Variants in SHBG observed in about 807,000 individuals in gnomAD.
SHBG encodes sex hormone binding globulin.
Under a neutral mutation model 41.9 loss-of-function variants are expected in SHBG, and 37 were observed. That is an observed-to-expected ratio of 0.88 (90% confidence interval 0.68 to 1.16). The LOEUF (loss-of-function observed/expected upper bound fraction) is 1.16, where lower values mean the gene tolerates loss of function less well. Among genes scored for constraint, SHBG ranks in the 50% most tolerant of loss-of-function variants. The pLI, the probability that SHBG is intolerant of heterozygous loss-of-function variation, is 0.00. For synonymous variants in SHBG, 217 were observed against 205.8 expected, an observed-to-expected ratio of 1.05 and a Z score of -0.47; for missense variants, 466 against 499.9, an observed-to-expected ratio of 0.93 and a Z score of 0.65.
chr17:7,630,105 G>A (rs1799941), upstream of SHBG: 303,192 of 1,358,172 alleles, frequency 0.22, 38,017 homozygotes, highest in Non-Finnish European at 0.26. This position sits in a 1 kb window ranked among gnomAD's most constrained non-coding sequence, Gnocchi z 4.6. Context: ...CCGCCCACAC[G>A]CAAGGCTGCC....
Position 7,630,931 on chromosome 17 carries a change from A to C in SHBG, c.393+62A>C. On this transcript the variant is annotated intron_variant, in intron 3 of 7. Coordinates refer to ENST00000380450, the MANE Select transcript of SHBG (RefSeq NM_001040.5). This position sits in a 1 kb window ranked among gnomAD's most constrained non-coding sequence, Gnocchi z 4.6. ...GAGCTGGTCTGAGGAAAGGGAACAA[A>C]ACCAAGTTATTGGGCATCCCTCTAC... is the stretch of plus-strand genomic sequence containing the variant. 6.7e-7 allele frequency: 1 copy of C among 1,494,150 alleles called. No individual in the cohort carries two copies. The highest frequency in any genetic ancestry group is 1.1e-5 in the South Asian group (1 of 88,280). The allele number at this position is 1,494,150 out of a possible 1,614,324, so 92.6% of individuals were successfully genotyped here. A position where few individuals can be genotyped will look rare whatever the true frequency, so the allele number is the denominator to read the frequency against.
chr17:7,621,119 A>AGCTGCAT (rs1385520964), intron 1 of SHBG, among the ~76,000 whole-genome samples: 4 of 121,414 alleles, frequency 3.3e-5, no homozygotes, highest in Non-Finnish European at 7.4e-5. Context: ...AAAAAAAAAA[A>AGCTGCAT]AAAATCAAGA....
chr17:7,626,000 G>A (rs1221384053), upstream of SHBG, among the ~76,000 whole-genome samples: 1 of 151,020 alleles, frequency 6.6e-6, no homozygotes, highest in African/African-American at 2.4e-5. Flanking sequence ...TCAGGAGTTG[G>A]AGACCAGCCT....
chr17:7,615,152 G>A (rs2071946382), intron 1 of SHBG, among the ~76,000 whole-genome samples: 1 of 152,138 alleles, frequency 6.6e-6, no homozygotes, highest in African/African-American at 2.4e-5. Context: ...CAACCAATCA[G>A]GGGGAGGGAG....
chr17:7,627,927 G>T (rs1306324807), upstream of SHBG: 1 of 551,472 alleles, frequency 1.8e-6, no homozygotes. The surrounding 1 kb of genome is among the most constrained non-coding windows in gnomAD (Gnocchi z 4.8). Flanking sequence ...GAACAGGCAC[G>T]GCCGCGTCCC....
At chr17:7,627,177 T>C (rs761464485), upstream of SHBG, 1 of 1,614,128 alleles carries the variant, frequency 6.2e-7, no homozygotes, top group Admixed American at 1.7e-5. The surrounding 1 kb of genome is among the most constrained non-coding windows in gnomAD (Gnocchi z 4.8). Flanking sequence ...GAATCTCTGC[T>C]ACCAAACAGT....
At chr17:7,633,061 A>G (rs1796556151) in intron 7 of SHBG, 102 bp downstream of exon 7, 4 of 1,413,710 alleles carry the variant, frequency 2.8e-6, no homozygotes, top group East Asian at 2.3e-5. Context: ...GGGAAGAAGA[A>G]TAGGCCACAA....
upstream of SHBG, chr17:7,628,172 C>T (rs1225293348): frequency 6.6e-6 from 3 of 457,140 alleles, no homozygotes; most frequent in East Asian, 2.1e-4. Flanking sequence ...AGACCCTCAG[C>T]TCTGAAAGCT....
Position 7,630,758 on chromosome 17 carries a change from CT to C in SHBG, c.283del (p.Trp95GlyfsTer59), listed in dbSNP as rs774559599. On this transcript the variant is annotated frameshift_variant, in exon 3 of 8. Transcript: ENST00000380450. LOFTEE classifies it high-confidence loss of function. The surrounding 1 kb of genome is among the most constrained non-coding windows in gnomAD (Gnocchi z 4.6). ...FYGDTNPKDD[W>X]FMLGLRDGRP... ...ATGGGGATACCAACCCTAAGGATGA[CT>C]GGTTTATGCTGGGACTTCGAGACGG... 2 of 1,613,990 alleles carry C rather than the reference CT, an allele frequency of 1.2e-6. No homozygotes were observed. Among genetic ancestry groups the C allele is most frequent in the Non-Finnish European group, 1.7e-6 (2 of 1,179,956 alleles).
intron 1 of SHBG, among the ~76,000 whole-genome samples, chr17:7,622,465 G>A (rs2072115621): frequency 6.6e-6 from 1 of 151,558 alleles, no homozygotes; most frequent in African/African-American, 2.4e-5. Context: ...TAGAGACAGG[G>A]TTTCACCATG....
chr17:7,624,374 G>A (rs185292703), upstream of SHBG, among the ~76,000 whole-genome samples: 3 of 150,246 alleles, frequency 2.0e-5, no homozygotes, highest in Admixed American at 2.0e-4. Flanking sequence ...CAACCTCCCA[G>A]GTAGCTGGAA....
chr17:7,630,956 C>A lies in SHBG; in HGVS notation c.393+87C>A. On this transcript the variant is annotated intron_variant, in intron 3 of 7. Transcript: ENST00000380450. The surrounding 1 kb of genome is among the most constrained non-coding windows in gnomAD (Gnocchi z 4.6). The stretch of plus-strand genomic sequence containing the variant: ...AACCAAGTTATTGGGCATCCCTCTA[C>A]CACTGTCATCTCGTTTAATCCACAC... 8.3e-7 allele frequency: 1 copy of A among 1,201,498 alleles called. No homozygotes were observed. Among genetic ancestry groups the A allele is most frequent in the Non-Finnish European group, 1.2e-6 (1 of 825,120 alleles). The allele number at this position is 1,201,498 out of a possible 1,614,324, so 74.4% of individuals were successfully genotyped here.
intron 1 of SHBG, among the ~76,000 whole-genome samples, chr17:7,619,016 G>C (rs1012756562): frequency 6.6e-6 from 1 of 151,980 alleles, no homozygotes; most frequent in African/African-American, 2.4e-5. Flanking sequence ...TTAATTCCAG[G>C]GAAAACAAAA....
At chr17:7,619,779 A>G (rs2072058163) in intron 1 of SHBG, among the ~76,000 whole-genome samples, 1 of 151,942 alleles carries the variant, frequency 6.6e-6, no homozygotes, top group African/African-American at 2.4e-5. Context: ...TGATAAGCAG[A>G]TTGGAAAAAT....
intron 3 of SHBG, 132 bp downstream of exon 3, chr17:7,631,001 A>C (rs974232610): frequency 1.0e-6 from 1 of 977,962 alleles, no homozygotes; most frequent in Non-Finnish European, 1.5e-6. Context: ...CAAAGTAGCT[A>C]TTCTTGGCCC....
At position 7,630,941 on chromosome 17, in the gene SHBG, T is replaced by C; in HGVS notation, c.393+72T>C. 7.1e-7 allele frequency: 1 copy of C among 1,411,086 alleles called. No individual in the cohort carries two copies. Among genetic ancestry groups the C allele is most frequent in the Non-Finnish European group, 9.9e-7 (1 of 1,005,676 alleles). 87.4% of individuals were successfully genotyped at this position (1,411,086 alleles called of 1,614,324 possible). A position where few individuals can be genotyped will look rare whatever the true frequency, so the allele number is the denominator to read the frequency against. ...GAGGAAAGGGAACAAAACCAAGTTA[T>C]TGGGCATCCCTCTACCACTGTCATC... On this transcript the variant is annotated intron_variant, in intron 3 of 7. Transcript: ENST00000380450. The surrounding 1 kb of genome is among the most constrained non-coding windows in gnomAD (Gnocchi z 4.6).
upstream of SHBG, chr17:7,627,595 C>T: frequency 2.5e-6 from 4 of 1,612,362 alleles, no homozygotes; most frequent in Non-Finnish European, 3.4e-6. The surrounding 1 kb of genome is among the most constrained non-coding windows in gnomAD (Gnocchi z 4.8). Flanking sequence ...GATATCTCCA[C>T]AGTCTCCCTC....
intron 1 of SHBG, among the ~76,000 whole-genome samples, chr17:7,615,374 A>T (rs1048313589): frequency 6.6e-6 from 1 of 151,542 alleles, no homozygotes; most frequent in African/African-American, 2.4e-5. Context: ...CGCCGCAAGG[A>T]AAAAGGTGCT....
chr17:7,627,051 G>A (rs1160897916), upstream of SHBG: 3 of 1,613,650 alleles, frequency 1.9e-6, no homozygotes, highest in Non-Finnish European at 2.5e-6. The surrounding 1 kb of genome is among the most constrained non-coding windows in gnomAD (Gnocchi z 4.8). Context: ...GGCCCTGAGA[G>A]AGAGAAAAGG....
Sources: allele counts gnomAD v4.1 joint callset (sites outside exome capture counted in the v4.1 genomes callset), GRCh38; gene constraint gnomAD v4.1.1; non-coding constraint Gnocchi (gnomAD v3.1); transcripts MANE v1.5; gene names NCBI Gene and HGNC (gene_info 2026-07-23, HGNC 2026-07-21).